Variants in ZNF385D observed in about 807,000 individuals in gnomAD.
ZNF385D encodes the protein zinc finger protein 659.
In ZNF385D, 15 loss-of-function variants were observed where a neutral mutation model predicts 35.8. The observed-to-expected ratio is 0.42, with a 90% CI of 0.28 to 0.64. The LOEUF is 0.64. Ranked by LOEUF, ZNF385D falls within the 30% of genes least tolerant of loss-of-function variation. The probability of loss-of-function intolerance (pLI) is 0.23; values close to 1 mark genes in which losing one functional copy is unlikely to be tolerated. For missense variants in ZNF385D, 474 were observed against 494.6 expected, an observed-to-expected ratio of 0.96 and a Z score of 0.39; for synonymous variants, 212 against 186.8, an observed-to-expected ratio of 1.13 and a Z score of -1.10.
intron 2 of ZNF385D, among the ~76,000 whole-genome samples, chr3:22,236,152 C>T (rs554413458): frequency 1.4e-4 from 21 of 152,066 alleles, no homozygotes; most frequent in African/African-American, 4.6e-4. Flanking sequence ...TTGCAAAAAT[C>T]ATGTAAGTAA....
intron 1 of ZNF385D, among the ~76,000 whole-genome samples, chr3:21,704,211 T>C (rs1012903375): frequency 1.1e-4 from 16 of 152,198 alleles, no homozygotes; most frequent in African/African-American, 2.9e-4. Flanking sequence ...TGCTGTAACT[T>C]AGCTAGTGGT....
chr3:22,167,981 A>G (rs917190341), intron 3 of ZNF385D, among the ~76,000 whole-genome samples: 4 of 152,186 alleles, frequency 2.6e-5, no homozygotes, highest in African/African-American at 9.6e-5. Context: ...TCTTCTCATC[A>G]TTTGGCCACC....
chr3:21,570,116 T>C (rs903128901), intron 2 of ZNF385D, among the ~76,000 whole-genome samples: 4 of 151,716 alleles, frequency 2.6e-5, no homozygotes, highest in African/African-American at 9.7e-5. Flanking sequence ...AATCTATTAA[T>C]CAACTACCCA....
chr3:21,810,998 G>GTGTGTATA (rs576386621), intron 3 of ZNF385D, among the ~76,000 whole-genome samples: 332 of 144,494 alleles, frequency 2.3e-3, no homozygotes, highest in Non-Finnish European at 3.3e-3. Flanking sequence ...GTGTGTGTGT[G>GTGTGTATA]TATATATATA....
intron 3 of ZNF385D, among the ~76,000 whole-genome samples, chr3:22,138,680 A>C (rs1704310303): frequency 6.6e-6 from 1 of 152,190 alleles, no homozygotes; most frequent in South Asian, 2.1e-4. Context: ...GATGGATAAA[A>C]GACTTACATG....
At chr3:21,759,084 T>C (rs1454945081) in intron 3 of ZNF385D, among the ~76,000 whole-genome samples, 1 of 149,500 alleles carries the variant, frequency 6.7e-6, no homozygotes, top group Non-Finnish European at 1.5e-5. Context: ...AAGCACTTAG[T>C]ATCTCAGTTG....
chr3:21,805,469 G>A (rs1037768622), intron 3 of ZNF385D, among the ~76,000 whole-genome samples: 3 of 152,154 alleles, frequency 2.0e-5, no homozygotes, highest in African/African-American at 7.2e-5. Flanking sequence ...AGTGAATCAT[G>A]TCCATTCAAT....
chr3:21,970,271 T>C (rs1703165199), intron 3 of ZNF385D, among the ~76,000 whole-genome samples: 1 of 152,188 alleles, frequency 6.6e-6, no homozygotes, highest in African/African-American at 2.4e-5. Flanking sequence ...ATGTGACTAA[T>C]AATTCAAAAT....
chr3:21,763,175 T>G (rs925971415), intron 3 of ZNF385D, among the ~76,000 whole-genome samples: 2 of 152,178 alleles, frequency 1.3e-5, no homozygotes, highest in African/African-American at 2.4e-5. Flanking sequence ...AGAGACCTGT[T>G]GATTTTGCAA....
intron 3 of ZNF385D, among the ~76,000 whole-genome samples, chr3:21,982,656 T>G (rs1694541681): frequency 6.6e-6 from 1 of 152,182 alleles, no homozygotes; most frequent in South Asian, 2.1e-4. Flanking sequence ...ATACTTGTCT[T>G]GAGCTGGTAT....
upstream of ZNF385D, among the ~76,000 whole-genome samples, chr3:21,754,157 A>C (rs2070233629): frequency 6.6e-6 from 1 of 152,150 alleles, no homozygotes; most frequent in Non-Finnish European, 1.5e-5. Context: ...ACATTTCTTC[A>C]ACATATTATT....
intron 2 of ZNF385D, among the ~76,000 whole-genome samples, chr3:22,364,644 G>C (rs555717894): frequency 6.6e-6 from 1 of 152,080 alleles, no homozygotes; most frequent in South Asian, 2.1e-4. Flanking sequence ...GTATGCTTTT[G>C]GTGGAAATAT....
intron 3 of ZNF385D, among the ~76,000 whole-genome samples, chr3:21,529,441 T>A (rs2061868316): frequency 6.6e-6 from 1 of 152,164 alleles, no homozygotes; most frequent in Non-Finnish European, 1.5e-5. Flanking sequence ...AGCTTTTTCA[T>A]CCTTCTTCAT....
At chr3:21,838,599 A>G (rs17009720) in intron 3 of ZNF385D, among the ~76,000 whole-genome samples, 10,774 of 152,138 alleles carry the variant, frequency 0.071, 552 homozygotes, top group East Asian at 0.21. Flanking sequence ...AAAGTGATGG[A>G]AAAGAGAAGT....
intron 3 of ZNF385D, among the ~76,000 whole-genome samples, chr3:22,157,865 C>A (rs1232084899): frequency 6.6e-6 from 1 of 152,098 alleles, no homozygotes; most frequent in Non-Finnish European, 1.5e-5. Flanking sequence ...ACAGATAATA[C>A]ATATATGGTC....
intron 1 of ZNF385D, among the ~76,000 whole-genome samples, chr3:21,691,538 T>C (rs2067286008): frequency 6.6e-6 from 1 of 152,196 alleles, no homozygotes; most frequent in Non-Finnish European, 1.5e-5. Flanking sequence ...TTCTTTCTTC[T>C]AAGAAGAGGT....
intron 3 of ZNF385D, among the ~76,000 whole-genome samples, chr3:21,785,781 T>G (rs2071664613): frequency 6.6e-6 from 1 of 152,224 alleles, no homozygotes; most frequent in Non-Finnish European, 1.5e-5. Context: ...CTGGAAAATT[T>G]GAAGGTAAAT....
intron 2 of ZNF385D, among the ~76,000 whole-genome samples, chr3:21,591,722 G>A (rs2063981542): frequency 6.6e-6 from 1 of 152,070 alleles, no homozygotes; most frequent in Admixed American, 6.6e-5. Flanking sequence ...CATTCACTCT[G>A]TCCACAAGCT....
chr3:22,334,726 A>C (rs1559526405), intron 2 of ZNF385D, among the ~76,000 whole-genome samples: 1 of 151,914 alleles, frequency 6.6e-6, no homozygotes. Flanking sequence ...TACTTTTATT[A>C]TTTTTTTCTT....
Sources: gnomAD v4.1 joint callset for allele counts (sites outside exome capture counted in the v4.1 genomes callset) on GRCh38, gnomAD v4.1.1 for gene constraint, MANE v1.5 for transcripts, NCBI Gene and HGNC (gene_info 2026-07-23, HGNC 2026-07-21) for gene names.